ASCC3: variants seen among roughly 807,000 people sequenced by gnomAD.
The protein encoded by ASCC3 is ASC-1 complex subunit P200.
Under a neutral mutation model 256.3 loss-of-function variants are expected in ASCC3, and 158 were observed. The ratio of observed to expected loss-of-function variants is 0.62; its 90% CI spans 0.54 to 0.70. The LOEUF is 0.70. Ranked by LOEUF, ASCC3 falls within the 30% of genes least tolerant of loss-of-function variation. ASCC3 has a pLI of 0.00. For missense variants in ASCC3, 2,259 were observed against 2,626.0 expected, an observed-to-expected ratio of 0.86 and a Z score of 3.05; for synonymous variants, 948 against 883.4, an observed-to-expected ratio of 1.07 and a Z score of -1.30.
chr6:100,645,365 A>T (rs73760704), intron 22 of ASCC3, among the ~76,000 whole-genome samples: 3,120 of 151,940 alleles, frequency 0.021, 104 homozygotes, highest in African/African-American at 0.073. Context: ...TTATTATTAT[A>T]ATAATAATGT....
At chr6:100,563,905 C>G (rs1046907512) in intron 36 of ASCC3, among the ~76,000 whole-genome samples, 4 of 151,846 alleles carry the variant, frequency 2.6e-5, no homozygotes, top group Admixed American at 6.6e-5. Context: ...TGTACTAAGG[C>G]TTTATACATA....
At chr6:100,675,005 C>T (rs1035476866) in intron 14 of ASCC3, among the ~76,000 whole-genome samples, 2 of 151,980 alleles carry the variant, frequency 1.3e-5, no homozygotes, top group African/African-American at 4.8e-5. Flanking sequence ...GTTAAAAAGG[C>T]AGAGTGTGTG....
chr6:100,874,736 T>C (rs888673836), intron 1 of ASCC3, among the ~76,000 whole-genome samples: 4 of 152,028 alleles, frequency 2.6e-5, no homozygotes, highest in African/African-American at 9.7e-5. Context: ...AGAAAAATAG[T>C]TGCAATAATT....
chr6:100,694,600 G>C (rs1290449067), intron 13 of ASCC3, among the ~76,000 whole-genome samples: 1 of 152,154 alleles, frequency 6.6e-6, no homozygotes, highest in Non-Finnish European at 1.5e-5. Context: ...CTGAGAAGTG[G>C]AAAGTACAAA....
intron 25 of ASCC3, among the ~76,000 whole-genome samples, chr6:100,632,982 T>C (rs78543239): frequency 0.03 from 4,610 of 151,854 alleles, 78 homozygotes; most frequent in African/African-American, 0.055. Flanking sequence ...AGCTTCTACA[T>C]GGAAAATAAA....
At chr6:100,646,573 A>G in intron 22 of ASCC3, 42 bp downstream of exon 22, 1 of 1,604,440 alleles carries the variant, frequency 6.2e-7, no homozygotes, top group Non-Finnish European at 8.5e-7. Flanking sequence ...TGTAGTACAG[A>G]TATTTTTGTT....
In ASCC3 at chr6:100,727,464, T is replaced by C. The variant is rs548955053; in HGVS notation, c.1738-1761A>G. Reference sequence around the variant, plus strand: ...TGAGTTTGTGCATTTTACATTTGGTTCTTTTTTCCCCCACAAATTACTAGA... The same window carrying C: ...TGAGTTTGTGCATTTTACATTTGGTCCTTTTTTCCCCCACAAATTACTAGA... On this transcript the variant is annotated intron_variant, in intron 10 of 41. Transcript: ENST00000369162. Among the ~76,000 whole-genome samples, 3 of 152,048 alleles carry C rather than the reference T, an allele frequency of 2.0e-5. No homozygotes were observed. The South Asian group carries it at 6.3e-4, about 32-fold the overall frequency.
At chr6:100,600,241 T>C (rs959398839) in intron 34 of ASCC3, among the ~76,000 whole-genome samples, 1 of 138,354 alleles carries the variant, frequency 7.2e-6, no homozygotes, top group Admixed American at 7.3e-5. Flanking sequence ...ACACACACAG[T>C]TGTAGATTAT....
intron 13 of ASCC3, among the ~76,000 whole-genome samples, chr6:100,691,572 A>T (rs891931365): frequency 2.0e-5 from 3 of 151,962 alleles, no homozygotes; most frequent in African/African-American, 7.2e-5. Context: ...TGTATTTTAC[A>T]CCTTAACATT....
At position 100,518,128 on chromosome 6, in the gene ASCC3, C is replaced by T; in HGVS notation, c.5790G>A (p.Val1930=). The T allele has an allele frequency of 1.9e-6, 3 of 1,613,466 alleles. No homozygotes were observed. Among genetic ancestry groups the T allele is most frequent in the East Asian group, 2.2e-5 (1 of 44,864 alleles). Residue 1930 remains valine (V), a synonymous_variant, in exon 38 of 42, where the codon GTG becomes GTA. Transcript: ENST00000369162. ...TCACCAGCCAGCCCTGGTTTGCAGCCACGTCCAGCATTGCCTGAACAGGGA... is the reference window on the plus strand; with the variant it reads ...TCACCAGCCAGCCCTGGTTTGCAGCTACGTCCAGCATTGCCTGAACAGGGA... The part of the protein sequence containing the change: ...ALRVCQAMLD[V]AANQGWLVTV...
intron 36 of ASCC3, among the ~76,000 whole-genome samples, chr6:100,551,902 T>C (rs916686832): frequency 6.6e-6 from 1 of 151,876 alleles, no homozygotes; most frequent in Non-Finnish European, 1.5e-5. Context: ...ATATTATAGA[T>C]CTCTAGGGTG....
At chr6:100,726,966 G>A (rs1468364972) in intron 10 of ASCC3, among the ~76,000 whole-genome samples, 1 of 151,956 alleles carries the variant, frequency 6.6e-6, no homozygotes, top group East Asian at 1.9e-4. Flanking sequence ...TATAAACCAC[G>A]ATTATGCCAA....
At chr6:100,572,921 A>C (rs1180642494) in intron 36 of ASCC3, among the ~76,000 whole-genome samples, 1 of 152,088 alleles carries the variant, frequency 6.6e-6, no homozygotes, top group Non-Finnish European at 1.5e-5. Flanking sequence ...AATGCTTTAA[A>C]ATTTTTTTAC....
At chr6:100,782,995 T>C (rs1403578422) in intron 8 of ASCC3, among the ~76,000 whole-genome samples, 1 of 151,474 alleles carries the variant, frequency 6.6e-6, no homozygotes, top group South Asian at 2.1e-4. Context: ...TGAAACCATA[T>C]GATAATACCT....
At chr6:100,857,707 C>T (rs2114528902) in intron 3 of ASCC3, 1 of 152,032 alleles carries the variant, frequency 6.6e-6, no homozygotes, top group Admixed American at 6.6e-5. Context: ...GTCCATTTGC[C>T]TATTCTTGGA....
chr6:100,601,667 T>A, intron 34 of ASCC3, 143 bp downstream of exon 34: 1 of 882,680 alleles, frequency 1.1e-6, no homozygotes. Flanking sequence ...AGAGATATCA[T>A]CTGATTCTTT....
At chr6:100,793,425 G>T (rs1423865121) in intron 8 of ASCC3, among the ~76,000 whole-genome samples, 1 of 151,964 alleles carries the variant, frequency 6.6e-6, no homozygotes, top group African/African-American at 2.4e-5. Context: ...CCACAAGGCT[G>T]TTTATTATAC....
At chr6:100,735,129 TAGAA>T (rs1206363804) in intron 10 of ASCC3, among the ~76,000 whole-genome samples, 2 of 152,148 alleles carry the variant, frequency 1.3e-5, no homozygotes, top group African/African-American at 4.8e-5. Flanking sequence ...AGGAGCATGA[TAGAA>T]AGGGCAAAAT....
chr6:100,618,233 T>C (rs1451108902), intron 30 of ASCC3, among the ~76,000 whole-genome samples: 1 of 152,196 alleles, frequency 6.6e-6, no homozygotes, highest in Non-Finnish European at 1.5e-5. Flanking sequence ...TATTTCACTG[T>C]CACTTTACTG....
Sources: gnomAD v4.1 joint callset for allele counts (sites outside exome capture counted in the v4.1 genomes callset) on GRCh38, gnomAD v4.1.1 for gene constraint, MANE v1.5 for transcripts, NCBI Gene and HGNC (gene_info 2026-07-23, HGNC 2026-07-21) for gene names.